The following NUP153 variants were observed in gnomAD, a reference collection of about 807,000 sequenced individuals.
NUP153 encodes nuclear pore complex protein Nup153.
A neutral mutation model predicts 134.6 loss-of-function variants in NUP153; 27 were observed. That is an observed-to-expected ratio of 0.20 (90% CI 0.15 to 0.28). The LOEUF (loss-of-function observed/expected upper bound fraction) is 0.28, where lower values mean the gene tolerates loss of function less well. Ranked by LOEUF, NUP153 falls within the 10% of genes least tolerant of loss-of-function variation. The pLI is 1.00. For synonymous variants in NUP153, 640 were observed against 623.5 expected (o/e 1.03, Z -0.40); for missense variants, 1,821 against 1,731.3 (o/e 1.05, Z -0.92).
At chr6:17,630,669 TAAAG>T (rs369094367) in intron 17 of NUP153, among the ~76,000 whole-genome samples, 339 of 117,384 alleles carry the variant, frequency 2.9e-3, no homozygotes, top group African/African-American at 0.011. Flanking sequence ...TCAAAATAAA[TAAAG>T]AAAAGAAAAC....
intron 20 of NUP153, among the ~76,000 whole-genome samples, chr6:17,623,821 G>C (rs1272884319): frequency 1.3e-5 from 2 of 152,068 alleles, no homozygotes; most frequent in Non-Finnish European, 2.9e-5. Context: ...CATTTTCTAG[G>C]GATGCATCTA....
Position 17,675,676 on chromosome 6 carries a change from G to A in NUP153, c.429C>T (p.Ser143=), listed in dbSNP as rs1768183456. The A allele has an allele frequency of 1.2e-6, 2 of 1,614,102 alleles. No homozygotes were observed. Among genetic ancestry groups the A allele is most frequent in the Non-Finnish European group, 1.7e-6 (2 of 1,180,008 alleles). ...TAGATGGCTGACAGTGTAATGCAGG[G>A]GATTCCAACATGGAAAAATTCAGAT... ...RSHLNFSMLE[S]PALHCQPSTS... Residue 143 remains serine, a synonymous_variant, in exon 3 of 22, where the codon TCC becomes TCT. Coordinates refer to ENST00000262077, the MANE Select transcript of NUP153 (RefSeq NM_005124.4). This position sits in a 1 kb window ranked among gnomAD's most constrained non-coding sequence, Gnocchi z 4.4.
chr6:17,674,940 C>T lies in NUP153; in HGVS notation c.817G>A (p.Val273Ile), dbSNP rs1201768162. The T allele has an allele frequency of 1.2e-6, 2 of 1,613,576 alleles. No homozygotes were observed. The highest frequency in any genetic ancestry group is 8.5e-7 in the Non-Finnish European group (1 of 1,179,814). Residue 273 changes from valine to isoleucine, a missense_variant, in exon 5 of 22, where the codon GTA becomes ATA. Transcript: ENST00000262077. ...GTATTTCGTAGTTTAGACTGTCTTA[C>T]AGCAGCTGCTGCCCCACCGTATGTT... ...KTTYGGAAAA[V>I]RQSKLRNTPY... is the part of the protein sequence containing the mutation.
intron 2 of NUP153, among the ~76,000 whole-genome samples, chr6:17,686,742 T>G (rs1432739462): frequency 6.6e-6 from 1 of 151,582 alleles, no homozygotes; most frequent in African/African-American, 2.4e-5. Flanking sequence ...TTGAAGTAGA[T>G]ATCAAAATGC....
intron 12 of NUP153, among the ~76,000 whole-genome samples, chr6:17,648,369 C>G (rs575422462): frequency 3.2e-4 from 48 of 152,276 alleles, no homozygotes; most frequent in Non-Finnish European, 5.1e-4. Context: ...GTAATCCTAG[C>G]ACTTTGGGAG....
intron 20 of NUP153, among the ~76,000 whole-genome samples, chr6:17,618,596 G>T (rs1366789991): frequency 1.4e-4 from 21 of 147,974 alleles, no homozygotes; most frequent in African/African-American, 5.3e-4. Flanking sequence ...GATGGAGTCT[G>T]GCTCTGTTGC....
At chr6:17,635,104 CTTTTTTTTTTTTTT>C (rs59700511) in intron 16 of NUP153, among the ~76,000 whole-genome samples, 1,821 of 104,308 alleles carry the variant, frequency 0.017, 20 homozygotes, top group Middle Eastern at 0.056. Context: ...CTTGGCTTAT[CTTTTTTTTTTTTTT>C]TTTTTTTTTG....
intron 2 of NUP153, among the ~76,000 whole-genome samples, chr6:17,686,839 C>G (rs944110937): frequency 1.4e-5 from 2 of 138,978 alleles, no homozygotes; most frequent in African/African-American, 5.4e-5. Flanking sequence ...TAAACAAGAT[C>G]AACCGTGACT....
rs769989179 is a variant in NUP153, at chr6:17,669,015, C to G, written c.1028G>C (p.Ser343Thr). 3 of 1,524,244 alleles carry G rather than the reference C, an allele frequency of 2.0e-6. No homozygotes were observed. The highest frequency in any genetic ancestry group is 2.6e-6 in the Non-Finnish European group (3 of 1,143,540). The allele number at this position is 1,524,244 out of a possible 1,614,324, so 94.4% of individuals were successfully genotyped here. Residue 343 changes from serine (S) to threonine (T), a missense_variant, in exon 8 of 22, where the codon AGT becomes ACT. Transcript: ENST00000262077. ...SSPLNSPLDR[S>T]GIDITDFQAK... is the part of the protein sequence containing the mutation. Reference sequence around the variant, plus strand: ...CTGAAAATCTGTGATATCTATCCCACTCCTATCAAGAGGCTGAAAAAAAAA... The same window carrying G: ...CTGAAAATCTGTGATATCTATCCCAGTCCTATCAAGAGGCTGAAAAAAAAA...
intron 11 of NUP153, among the ~76,000 whole-genome samples, chr6:17,652,296 T>G (rs1267408159): frequency 6.6e-6 from 1 of 152,026 alleles, no homozygotes; most frequent in East Asian, 1.9e-4. Context: ...ATAAAACAAG[T>G]CTCAATACAT....
At chr6:17,673,481 A>G (rs952500820) in intron 5 of NUP153, among the ~76,000 whole-genome samples, 1 of 152,232 alleles carries the variant, frequency 6.6e-6, no homozygotes, top group African/African-American at 2.4e-5. Flanking sequence ...CTCAAAATTT[A>G]TTAATAAGAA....
intron 12 of NUP153, among the ~76,000 whole-genome samples, chr6:17,648,524 G>T (rs1464780741): frequency 1.3e-5 from 2 of 152,130 alleles, no homozygotes; most frequent in African/African-American, 4.8e-5. Flanking sequence ...GGCTGAGGCA[G>T]GATAACCACT....
intron 1 of NUP153, among the ~76,000 whole-genome samples, chr6:17,697,005 A>C (rs1298937822): frequency 2.0e-5 from 3 of 151,846 alleles, no homozygotes; most frequent in Admixed American, 6.6e-5. Context: ...TGGGAGACGG[A>C]GGTTGCAGTG....
At chr6:17,621,785 AGAGTT>A (rs143536422) in intron 20 of NUP153, among the ~76,000 whole-genome samples, 2,969 of 152,282 alleles carry the variant, frequency 0.019, 94 homozygotes, top group African/African-American at 0.067. Context: ...AGAGCACAGT[AGAGTT>A]AACAATAATT....
At chr6:17,701,831 T>TGGGGGGG (rs1180643494) in intron 1 of NUP153, among the ~76,000 whole-genome samples, 2 of 15,042 alleles carry the variant, frequency 1.3e-4, no homozygotes, top group Non-Finnish European at 3.7e-4. Flanking sequence ...AGACTCTGTC[T>TGGGGGGG]CGGGGGGGGG....
intron 11 of NUP153, among the ~76,000 whole-genome samples, chr6:17,659,221 G>A (rs867579122): frequency 2.0e-4 from 31 of 152,188 alleles, no homozygotes; most frequent in South Asian, 4.1e-4. Context: ...CCGCAACAGC[G>A]GGATGCAGAA....
At chr6:17,668,830 G>A (rs375676599) in intron 8 of NUP153, 145 bp downstream of exon 8, 28 of 551,982 alleles carry the variant, frequency 5.1e-5, no homozygotes, top group East Asian at 1.1e-4. Context: ...ATGACAGAGC[G>A]AGACTGAGAC....
Position 17,637,603 on chromosome 6 carries a change from T to C in NUP153, c.2014A>G (p.Lys672Glu). ...GCTATGCATTTGTTGTCTGTAACTT[T>C]GTTCTGGAGTAGACATGTATCACAC... ...WQCDTCLLQN[K>E]VTDNKCIACQ... Residue 672 changes from lysine to glutamate, a missense_variant, in exon 16 of 22, where the codon AAA (lysine) becomes GAA (glutamate). Lys to Glu is a moderately conservative substitution (Grantham distance 56). Transcript: ENST00000262077. 1 of 1,614,154 alleles carries C rather than the reference T, an allele frequency of 6.2e-7. No individual in the cohort carries two copies. Among genetic ancestry groups the C allele is most frequent in the Non-Finnish European group, 8.5e-7 (1 of 1,180,038 alleles).
At chr6:17,618,562 C>CT (rs34236407) in intron 20 of NUP153, among the ~76,000 whole-genome samples, 14 of 133,468 alleles carry the variant, frequency 1.0e-4, no homozygotes, top group Admixed American at 2.2e-4. Context: ...TAAAATCTCT[C>CT]TTTTTTTTTT....
Sources: gnomAD v4.1 joint callset for allele counts (sites outside exome capture counted in the v4.1 genomes callset) on GRCh38, gnomAD v4.1.1 for gene constraint, Gnocchi (gnomAD v3.1) non-coding constraint, MANE v1.5 for transcripts, NCBI Gene and HGNC (gene_info 2026-07-23, HGNC 2026-07-21) for gene names.